TEX9: variants seen among roughly 807,000 people sequenced by gnomAD.
TEX9 encodes testis expressed 9.
TEX9 carries 74 observed loss-of-function variants against 59.6 expected under a neutral mutation model. The ratio of observed to expected loss-of-function variants is 1.24; its 90% CI spans 1.03 to 1.51. The LOEUF is 1.51. Ranked by LOEUF, TEX9 falls within the 40% of genes most tolerant of loss-of-function variation. The pLI is 0.00. For synonymous variants in TEX9, 186 were observed against 152.2 expected, an observed-to-expected ratio of 1.22 and a Z score of -1.64; for missense variants, 522 against 447.8, an observed-to-expected ratio of 1.17 and a Z score of -1.49.
chr15:56,394,994 G>T (rs1228234990), intron 9 of TEX9, 160 bp downstream of exon 9: 2 of 702,306 alleles, frequency 2.8e-6, no homozygotes, highest in Non-Finnish European at 2.3e-6. Context: ...ACTTTATTGA[G>T]ATGTAATTCA....
chr15:56,329,435 T>C (rs1567087691), intron 1 of TEX9, among the ~76,000 whole-genome samples: 1 of 152,048 alleles, frequency 6.6e-6, no homozygotes, highest in Admixed American at 6.5e-5. Flanking sequence ...CCAAACGAAC[T>C]AAATGAGTTA....
intron 1 of TEX9, among the ~76,000 whole-genome samples, chr15:56,265,838 G>A (rs1385071840): frequency 2.0e-5 from 3 of 152,070 alleles, no homozygotes; most frequent in African/African-American, 7.2e-5. Context: ...ATGAATATCA[G>A]TTGGGTCAAG....
At chr15:56,303,288 G>A (rs1386386239) in intron 1 of TEX9, among the ~76,000 whole-genome samples, 2 of 152,016 alleles carry the variant, frequency 1.3e-5, no homozygotes, top group East Asian at 3.9e-4. Flanking sequence ...TCATTCTCAA[G>A]GATAGACCAT....
In TEX9 at chr15:56,389,298, T is replaced by C; in HGVS notation, c.313-20T>C. 6.3e-7 allele frequency: 1 copy of C among 1,588,164 alleles called. No homozygotes were observed. Among genetic ancestry groups the C allele is most frequent in the Non-Finnish European group, 8.6e-7 (1 of 1,158,292 alleles). Reference sequence around the variant, plus strand: ...TGATTAGACTCTAATTAGTCAATACTTTCAATTCTTTTCATGTAGCCAAAG... The same window carrying C: ...TGATTAGACTCTAATTAGTCAATACCTTCAATTCTTTTCATGTAGCCAAAG... On this transcript the variant is annotated intron_variant, in intron 5 of 12. Transcript: ENST00000352903.
intron 1 of TEX9, among the ~76,000 whole-genome samples, chr15:56,331,988 G>A: frequency 7.8e-6 from 1 of 128,746 alleles, no homozygotes; most frequent in South Asian, 3.0e-4. Flanking sequence ...TGGAGAGGAT[G>A]TGGAGAAATA....
At chr15:56,249,867 A>G (rs1193331750) in intron 1 of TEX9, among the ~76,000 whole-genome samples, 5 of 152,110 alleles carry the variant, frequency 3.3e-5, no homozygotes, top group Non-Finnish European at 7.4e-5. Flanking sequence ...AGTAAGAATA[A>G]GAGTACCCCA....
At chr15:56,354,049 A>G (rs1221396288) in intron 1 of TEX9, among the ~76,000 whole-genome samples, 7 of 152,184 alleles carry the variant, frequency 4.6e-5, no homozygotes, top group Non-Finnish European at 8.8e-5. Context: ...TTGTAGTGAA[A>G]TAGAAAATGC....
intron 1 of TEX9, among the ~76,000 whole-genome samples, chr15:56,304,181 A>G (rs1419677343): frequency 1.3e-5 from 2 of 152,164 alleles, no homozygotes; most frequent in Non-Finnish European, 2.9e-5. Flanking sequence ...TGGTGTGATC[A>G]TTATGAAAAC....
At chr15:56,266,702 A>G (rs1250947994) in intron 1 of TEX9, among the ~76,000 whole-genome samples, 1 of 152,182 alleles carries the variant, frequency 6.6e-6, no homozygotes, top group Non-Finnish European at 1.5e-5. Flanking sequence ...TATGTGTGCC[A>G]TATTTTCTTA....
chr15:56,364,751 C>T (rs780854053), upstream of TEX9, among the ~76,000 whole-genome samples: 1 of 152,160 alleles, frequency 6.6e-6, no homozygotes, highest in Non-Finnish European at 1.5e-5. Flanking sequence ...GATGACCATA[C>T]ATCATATCAC....
At chr15:56,438,003 A>G (rs1354225514) in intron 12 of TEX9, among the ~76,000 whole-genome samples, 1 of 152,152 alleles carries the variant, frequency 6.6e-6, no homozygotes, top group Non-Finnish European at 1.5e-5. Context: ...ATGCTCATGG[A>G]TAGGAAGAAT....
chr15:56,317,455 T>G (rs12916697), intron 1 of TEX9, among the ~76,000 whole-genome samples: 2,116 of 152,350 alleles, frequency 0.014, 31 homozygotes, highest in Admixed American at 0.024. Flanking sequence ...TAAAGGTTTG[T>G]CAGTTTTGTG....
chr15:56,281,274 T>C (rs1248062792), intron 1 of TEX9, among the ~76,000 whole-genome samples: 8 of 152,232 alleles, frequency 5.3e-5, no homozygotes, highest in African/African-American at 1.9e-4. Flanking sequence ...GAGGTTAGTA[T>C]ATAGTTTAAG....
chr15:56,330,725 C>G (rs1276656594), intron 1 of TEX9, among the ~76,000 whole-genome samples: 5 of 151,316 alleles, frequency 3.3e-5, no homozygotes. Context: ...GAGGAAATCA[C>G]CATCAAAAAG....
the TEX9 span, among the ~76,000 whole-genome samples, chr15:56,454,893 A>G: frequency 1.3e-5 from 2 of 152,142 alleles, no homozygotes; most frequent in African/African-American, 4.8e-5. Context: ...ATAAAATCTA[A>G]TTCTGTATTA....
chr15:56,337,935 A>C (rs2046288875), intron 1 of TEX9, among the ~76,000 whole-genome samples: 1 of 152,128 alleles, frequency 6.6e-6, no homozygotes, highest in African/African-American at 2.4e-5. Flanking sequence ...CCTTTTGATT[A>C]TTTCAGGTTG....
At chr15:56,334,036 T>C (rs144667446) in intron 1 of TEX9, among the ~76,000 whole-genome samples, 170 of 152,308 alleles carry the variant, frequency 1.1e-3, no homozygotes, top group African/African-American at 3.9e-3. Context: ...TGGAAAGATA[T>C]TTCATGTTTA....
At position 56,351,540 on chromosome 15, in the gene TEX9, C is replaced by T. The variant is rs78713902; in HGVS notation, c.-106-21901C>T. ...TCGAGTGCAGCCAGTGTGGCAGTAT[C>T]TGCATATTGTGTAAGGCTTCTTTGA... On this transcript the variant is annotated intron_variant, in intron 1 of 5. Transcript: ENST00000560827. Among the ~76,000 whole-genome samples, 1,205 of 152,254 alleles carry T rather than the reference C, an allele frequency of 7.9e-3. 13 individuals carry two copies. The highest frequency in any genetic ancestry group is 0.027 in the African/African-American group (1,128 of 41,538).
chr15:56,253,138 A>G (rs2044067324), intron 1 of TEX9, among the ~76,000 whole-genome samples: 1 of 152,116 alleles, frequency 6.6e-6, no homozygotes, highest in African/African-American at 2.4e-5. Context: ...TGATCACTAA[A>G]AGCCACACGG....
Sources: allele counts gnomAD v4.1 joint callset (sites outside exome capture counted in the v4.1 genomes callset), GRCh38; gene constraint gnomAD v4.1.1; transcripts MANE v1.5; gene names NCBI Gene and HGNC (gene_info 2026-07-23, HGNC 2026-07-21).